Variants in DPP10 observed in about 807,000 individuals in gnomAD.
DPP10 encodes the protein dipeptidyl peptidase like 10.
A neutral mutation model predicts 120.9 loss-of-function variants in DPP10; 33 were observed. The observed-to-expected ratio is 0.27, with a 90% CI of 0.21 to 0.37. The LOEUF is 0.37. Ranked by LOEUF, DPP10 falls within the 10% of genes least tolerant of loss-of-function variation. DPP10 has a pLI of 1.00. For synonymous variants in DPP10, 337 were observed against 326.1 expected (o/e 1.03, Z -0.36); for missense variants, 816 against 942.8 (o/e 0.87, Z 1.76).
chr2:115,402,945 G>GTA (rs1175630051), intron 3 of DPP10, among the ~76,000 whole-genome samples: 14 of 142,016 alleles, frequency 9.9e-5, no homozygotes, highest in African/African-American at 3.5e-4. Flanking sequence ...ATATATGTGT[G>GTA]TGTGTATATA....
chr2:114,995,386 T>A (rs2104956644), intron 1 of DPP10, among the ~76,000 whole-genome samples: 1 of 151,324 alleles, frequency 6.6e-6, no homozygotes, highest in South Asian at 2.1e-4. Flanking sequence ...ACATTTTGGT[T>A]GAATTGAACC....
At chr2:114,980,717 A>G (rs1352534886) in intron 1 of DPP10, among the ~76,000 whole-genome samples, 1 of 151,990 alleles carries the variant, frequency 6.6e-6, no homozygotes, top group Non-Finnish European at 1.5e-5. Context: ...GGTTCAATTA[A>G]CAAATCCAAC....
At chr2:115,446,666 T>A (rs556577188) in intron 3 of DPP10, among the ~76,000 whole-genome samples, 1 of 152,208 alleles carries the variant, frequency 6.6e-6, no homozygotes, top group East Asian at 1.9e-4. Context: ...TCCATATATC[T>A]TCCTGAAGCT....
intron 1 of DPP10, among the ~76,000 whole-genome samples, chr2:115,104,880 C>T (rs1008121605): frequency 1.3e-5 from 2 of 152,080 alleles, no homozygotes; most frequent in Admixed American, 1.3e-4. Context: ...GAGGCACGCA[C>T]CTGTAGTCCC....
At chr2:115,163,715 C>T (rs764243479) in intron 1 of DPP10, among the ~76,000 whole-genome samples, 1 of 152,156 alleles carries the variant, frequency 6.6e-6, no homozygotes, top group African/African-American at 2.4e-5. Context: ...ATGATGCTAC[C>T]AGTAAGAAAG....
chr2:114,743,038 C>T (rs999539447), intron 1 of DPP10, among the ~76,000 whole-genome samples: 9 of 152,184 alleles, frequency 5.9e-5, no homozygotes, highest in African/African-American at 2.2e-4. Flanking sequence ...ACACCTAATT[C>T]CAAATCCATC....
At chr2:114,809,933 AC>A (rs1685043017) in intron 1 of DPP10, among the ~76,000 whole-genome samples, 1 of 151,830 alleles carries the variant, frequency 6.6e-6, no homozygotes, top group South Asian at 2.1e-4. Flanking sequence ...TTCCCCTTAG[AC>A]CCCAAAGGCC....
chr2:115,377,787 C>A (rs1310799138), intron 3 of DPP10, among the ~76,000 whole-genome samples: 1 of 151,226 alleles, frequency 6.6e-6, no homozygotes, highest in African/African-American at 2.4e-5. Context: ...CCAGTTTTCC[C>A]AGCACCATTT....
At chr2:114,949,910 C>A (rs1697648281) in intron 1 of DPP10, among the ~76,000 whole-genome samples, 1 of 152,096 alleles carries the variant, frequency 6.6e-6, no homozygotes, top group South Asian at 2.1e-4. Flanking sequence ...TAACTAGAAC[C>A]CATCAAATTC....
chr2:115,758,864 A>T (rs957287916), intron 11 of DPP10, among the ~76,000 whole-genome samples: 2 of 152,160 alleles, frequency 1.3e-5, no homozygotes, highest in Non-Finnish European at 2.9e-5. Context: ...TGCTGAAAAA[A>T]TTGGCATCCC....
intron 1 of DPP10, among the ~76,000 whole-genome samples, chr2:115,041,327 C>T (rs990738611): frequency 3.3e-5 from 5 of 152,030 alleles, no homozygotes; most frequent in African/African-American, 7.2e-5. Context: ...TCAAGGGATA[C>T]GAACCCTGCT....
chr2:115,017,663 C>G (rs1042882372), intron 1 of DPP10, among the ~76,000 whole-genome samples: 2 of 43,930 alleles, frequency 4.6e-5, no homozygotes, highest in African/African-American at 1.3e-4. Flanking sequence ...CCATGGAATA[C>G]TATGCAGCCA....
intron 1 of DPP10, among the ~76,000 whole-genome samples, chr2:114,647,547 C>T (rs1696233224): frequency 6.6e-6 from 1 of 151,860 alleles, no homozygotes; most frequent in Non-Finnish European, 1.5e-5. Context: ...GGTTCTACAC[C>T]TGTAATGAAA....
At chr2:114,614,272 CTTAAAT>C (rs1457048278) in intron 1 of DPP10, among the ~76,000 whole-genome samples, 6 of 152,072 alleles carry the variant, frequency 3.9e-5, no homozygotes, top group African/African-American at 1.4e-4. Flanking sequence ...CTAGGATAAA[CTTAAAT>C]TTAAATTTAA....
At chr2:114,815,242 T>C (rs941360901) in intron 1 of DPP10, among the ~76,000 whole-genome samples, 26 of 152,220 alleles carry the variant, frequency 1.7e-4, no homozygotes, top group African/African-American at 6.3e-4. Flanking sequence ...TCTATTTTGG[T>C]ACCTGATCTG....
chr2:115,446,454 G>T (rs570057702), intron 3 of DPP10, among the ~76,000 whole-genome samples: 20 of 152,232 alleles, frequency 1.3e-4, no homozygotes, highest in Admixed American at 1.1e-3. Flanking sequence ...AAAGAAACAT[G>T]AAAAGCAGCT....
At chr2:115,415,940 A>C (rs2069387422) in intron 3 of DPP10, among the ~76,000 whole-genome samples, 1 of 147,936 alleles carries the variant, frequency 6.8e-6, no homozygotes, top group Non-Finnish European at 1.5e-5. Context: ...ATTTACATGA[A>C]ATTTTTTATG....
chr2:114,912,968 C>T (rs1331444861), intron 1 of DPP10, among the ~76,000 whole-genome samples: 1 of 152,142 alleles, frequency 6.6e-6, no homozygotes, highest in East Asian at 1.9e-4. Flanking sequence ...GTGGCTTTAG[C>T]CTGTGTTGGC....
At chr2:115,686,937 G>GA (rs1304725823) in intron 5 of DPP10, among the ~76,000 whole-genome samples, 3 of 151,946 alleles carry the variant, frequency 2.0e-5, no homozygotes, top group Admixed American at 1.3e-4. Context: ...ATCATTACAG[G>GA]AAAAACTGTT....
Sources: gnomAD v4.1 joint callset for allele counts (sites outside exome capture counted in the v4.1 genomes callset) on GRCh38, gnomAD v4.1.1 for gene constraint, MANE v1.5 for transcripts, NCBI Gene and HGNC (gene_info 2026-07-23, HGNC 2026-07-21) for gene names.